Variants in ZUP1 observed in about 807,000 individuals in gnomAD.
ZUP1 encodes zinc finger-containing ubiquitin peptidase 1.
ZUP1 carries 55 observed loss-of-function variants against 68.1 expected under a neutral mutation model. The ratio of observed to expected loss-of-function variants is 0.81; its 90% CI spans 0.65 to 1.01. The LOEUF (loss-of-function observed/expected upper bound fraction) is 1.01. Ranked by LOEUF, ZUP1 falls within the 50% of genes least tolerant of loss-of-function variation. The pLI is 0.00. For missense variants in ZUP1, 684 were observed against 674.9 expected, an observed-to-expected ratio of 1.01 and a Z score of -0.15; for synonymous variants, 223 against 221.5, an observed-to-expected ratio of 1.01 and a Z score of -0.06.
intron 9 of ZUP1, among the ~76,000 whole-genome samples, chr6:116,643,344 G>A (rs988526478): frequency 1.3e-5 from 2 of 151,916 alleles, no homozygotes; most frequent in African/African-American, 2.4e-5. Flanking sequence ...CTACTTTAAA[G>A]TTCATATGGA....
rs745309910 is a variant in ZUP1 at position 116,666,772 on chromosome 6, C to A, written c.421G>T (p.Glu141Ter). 1 of 1,613,792 alleles carries A rather than the reference C, an allele frequency of 6.2e-7. No individual in the cohort carries two copies. Among genetic ancestry groups the A allele is most frequent in the South Asian group, 1.1e-5 (1 of 91,036 alleles). ...GTTTCATAAACAGATCCTTTTATTT[C>A]GGTCAGGCTGGACTGTTTTTCCCTA... ...KSREKQSSLT[E>*]IKGSVYETTY... Residue 141 changes from glutamate to a stop codon, truncating the protein, a stop_gained, in exon 2 of 10, where the codon GAA (glutamate) becomes TAA (stop). Transcript: ENST00000368576. LOFTEE classifies it high-confidence loss of function.
intron 5 of ZUP1, 98 bp downstream of exon 5, chr6:116,656,584 GCA>G (rs1776670237): frequency 5.5e-6 from 5 of 902,210 alleles, no homozygotes; most frequent in Admixed American, 3.2e-5. Context: ...AAATATTTGT[GCA>G]CAGATTATGA....
Position 116,645,940 on chromosome 6 carries a change from A to G in ZUP1, c.1469-6T>C, listed in dbSNP as rs1272385183. 16 of 1,603,616 alleles carry G rather than the reference A, an allele frequency of 1.0e-5. No homozygotes were observed. The highest frequency in any genetic ancestry group is 8.5e-5 in the Admixed American group (5 of 58,522). ...AATAACAGTTCGACTGTGACCTATCAAAAGATTTTTAAGTTATACATACGT... is the reference window on the plus strand; with the variant it reads ...AATAACAGTTCGACTGTGACCTATCGAAAGATTTTTAAGTTATACATACGT... On this transcript the variant is annotated splice_region_variant and splice_polypyrimidine_tract_variant and intron_variant, in intron 8 of 9. Coordinates refer to ENST00000368576, the MANE Select transcript of ZUP1 (RefSeq NM_145062.3).
Position 116,666,762 on chromosome 6 carries a change from C to T in ZUP1, c.431G>A (p.Gly144Glu), listed in dbSNP as rs143972636. ...ACTGTATGTTGTTTCATAAACAGATCCTTTTATTTCGGTCAGGCTGGACTG... is the reference window on the plus strand; with the variant it reads ...ACTGTATGTTGTTTCATAAACAGATTCTTTTATTTCGGTCAGGCTGGACTG... ...EKQSSLTEIK[G>E]SVYETTYSPP... Residue 144 changes from glycine (G) to glutamate (E), a missense_variant, in exon 2 of 10, where the codon GGA becomes GAA. By Grantham distance (98) the Gly-to-Glu change is moderately conservative. Transcript: ENST00000368576. 3 of 1,613,838 alleles carry T rather than the reference C, an allele frequency of 1.9e-6. No individual in the cohort carries two copies. The highest frequency in any genetic ancestry group is 2.7e-5 in the African/African-American group (2 of 75,016).
chr6:116,655,285 T>C (rs1296722416), intron 5 of ZUP1, among the ~76,000 whole-genome samples: 1 of 152,180 alleles, frequency 6.6e-6, no homozygotes, highest in Non-Finnish European at 1.5e-5. Context: ...GAAGTAGAAC[T>C]GTAAGAACCA....
chr6:116,647,498 C>A lies in ZUP1; in HGVS notation c.1429G>T (p.Val477Leu). ...SSEGEGSPKV[V>L]CTSKPPIYLQ... Reference sequence around the variant, plus strand: ...TAGATAGGAGGTTTAGATGTACACACTACCTTTGGACTCCCTTCTCCCTCT... The same window carrying A: ...TAGATAGGAGGTTTAGATGTACACAATACCTTTGGACTCCCTTCTCCCTCT... Residue 477 changes from valine to leucine, a missense_variant, in exon 8 of 10, where the codon GTG becomes TTG. Coordinates refer to ENST00000368576, the MANE Select transcript of ZUP1 (RefSeq NM_145062.3). The A allele has an allele frequency of 6.3e-7, 1 of 1,595,930 alleles. No homozygotes were observed. The highest frequency in any genetic ancestry group is 8.6e-7 in the Non-Finnish European group (1 of 1,167,794).
At chr6:116,637,545 A>G (rs894480096) in intron 9 of ZUP1, among the ~76,000 whole-genome samples, 3 of 152,204 alleles carry the variant, frequency 2.0e-5, no homozygotes, top group Non-Finnish European at 4.4e-5. Flanking sequence ...CAGAACATCA[A>G]ATGCACAGTG....
intron 7 of ZUP1, among the ~76,000 whole-genome samples, chr6:116,648,613 G>T (rs889435393): frequency 1.3e-5 from 2 of 152,066 alleles, no homozygotes; most frequent in Admixed American, 6.5e-5. Flanking sequence ...AACACACTCA[G>T]GATATATTAA....
At chr6:116,663,685 A>C (rs1012511793) in intron 2 of ZUP1, among the ~76,000 whole-genome samples, 1 of 152,214 alleles carries the variant, frequency 6.6e-6, no homozygotes, top group African/African-American at 2.4e-5. Context: ...TCCCACCTGC[A>C]ATCCTAATGC....
intron 9 of ZUP1, among the ~76,000 whole-genome samples, chr6:116,637,414 A>G (rs1263051638): frequency 6.6e-6 from 1 of 152,162 alleles, no homozygotes; most frequent in Non-Finnish European, 1.5e-5. Flanking sequence ...TCAATCTATT[A>G]TAATTAAATC....
rs1777021947 is a variant in ZUP1 at position 116,666,758 on chromosome 6, A to G, written c.435T>C (p.Ser145=). ...KQSSLTEIKG[S]VYETTYSPPE... ...GAGGACTGTATGTTGTTTCATAAAC[A>G]GATCCTTTTATTTCGGTCAGGCTGG... The change falls in exon 2 of 10, where the codon TCT becomes TCC. Residue 145 remains serine (S), a synonymous_variant. Transcript: ENST00000368576. 1.2e-6 allele frequency: 2 copies of G among 1,613,972 alleles called. No homozygotes were observed. The highest frequency in any genetic ancestry group is 1.7e-6 in the Non-Finnish European group (2 of 1,179,948).
intron 9 of ZUP1, among the ~76,000 whole-genome samples, chr6:116,644,945 G>A (rs1776242325): frequency 6.6e-6 from 1 of 151,832 alleles, no homozygotes; most frequent in African/African-American, 2.4e-5. Context: ...GACAGGAAAC[G>A]GGCATTTAAT....
chr6:116,650,734 A>C (rs1776464878), intron 7 of ZUP1, among the ~76,000 whole-genome samples: 1 of 152,208 alleles, frequency 6.6e-6, no homozygotes, highest in Non-Finnish European at 1.5e-5. Flanking sequence ...AGATGGAACT[A>C]AGATCTTAGA....
At chr6:116,648,106 C>A (rs1188594566) in intron 7 of ZUP1, among the ~76,000 whole-genome samples, 1 of 152,190 alleles carries the variant, frequency 6.6e-6, no homozygotes, top group Non-Finnish European at 1.5e-5. Flanking sequence ...TCTCTCAAAT[C>A]TCTATAACAG....
At chr6:116,641,975 CA>C (rs1436060674) in intron 9 of ZUP1, among the ~76,000 whole-genome samples, 1 of 151,956 alleles carries the variant, frequency 6.6e-6, no homozygotes, top group Non-Finnish European at 1.5e-5. Context: ...AAGAATCAAA[CA>C]GACGCAATAA....
At chr6:116,652,329 T>A in intron 5 of ZUP1, 137 bp from the exon 6 acceptor site, 1 of 681,658 alleles carries the variant, frequency 1.5e-6, no homozygotes, top group East Asian at 2.8e-5. Flanking sequence ...CTTCTTGCTA[T>A]AACCTTAGTT....
At chr6:116,656,232 A>G (rs923027414) in intron 5 of ZUP1, among the ~76,000 whole-genome samples, 34 of 152,232 alleles carry the variant, frequency 2.2e-4, no homozygotes, top group African/African-American at 7.5e-4. Context: ...GGCATGTGCC[A>G]CCACGCCCAG....
intron 9 of ZUP1, among the ~76,000 whole-genome samples, chr6:116,644,527 A>G (rs1776225806): frequency 6.6e-6 from 1 of 152,158 alleles, no homozygotes; most frequent in African/African-American, 2.4e-5. Flanking sequence ...TGATGAGTTC[A>G]TGTCCTTTGT....
At chr6:116,637,894 C>A (rs1432009589) in intron 9 of ZUP1, among the ~76,000 whole-genome samples, 1 of 151,878 alleles carries the variant, frequency 6.6e-6, no homozygotes, top group Admixed American at 6.6e-5. Context: ...GAAACCCCAT[C>A]TCTACTAAAT....
Sources: gnomAD v4.1 joint callset for allele counts (sites outside exome capture counted in the v4.1 genomes callset) on GRCh38, gnomAD v4.1.1 for gene constraint, MANE v1.5 for transcripts, NCBI Gene and HGNC (gene_info 2026-07-23, HGNC 2026-07-21) for gene names.